Variants in NDUFS7 observed in about 807,000 individuals in gnomAD.
NDUFS7 encodes the protein NADH dehydrogenase [ubiquinone] iron-sulfur protein 7, mitochondrial.
NDUFS7 carries 11 observed loss-of-function variants against 31.1 expected under a neutral mutation model. The ratio of observed to expected loss-of-function variants is 0.35; its 90% CI spans 0.22 to 0.59. The LOEUF (loss-of-function observed/expected upper bound fraction) is 0.59. NDUFS7 is among the 20% of genes least tolerant of loss of function. NDUFS7 has a pLI of 0.79. For synonymous variants in NDUFS7, 136 were observed against 127.9 expected, an observed-to-expected ratio of 1.06 and a Z score of -0.43; for missense variants, 263 against 324.2, an observed-to-expected ratio of 0.81 and a Z score of 1.45.
At chr19:1,394,130 G>A (rs2082576218) in intron 7 of NDUFS7, 1 of 342,252 alleles carries the variant, frequency 2.9e-6, no homozygotes, top group Non-Finnish European at 5.8e-6. Flanking sequence ...CGAGTCTGGG[G>A]GTTTGGGCAA....
Position 1,393,451 on chromosome 19 carries a change from T to TA in NDUFS7, c.544+121_544+122insA. ...GCAGACGGCGGGCTCCCCCATCCTATGGATGGGCCGACTCGGAGCGCTGCC... is the reference window on the plus strand; with the variant it reads ...GCAGACGGCGGGCTCCCCCATCCTATAGGATGGGCCGACTCGGAGCGCTGCC... On this transcript the variant is annotated intron_variant, in intron 7 of 7. Coordinates refer to ENST00000233627, the MANE Select transcript of NDUFS7 (RefSeq NM_024407.5). The surrounding 1 kb of genome is among the most constrained non-coding windows in gnomAD (Gnocchi z 7.3). The TA allele has an allele frequency of 1.1e-5, 9 of 805,442 alleles. No individual in the cohort carries two copies. Among genetic ancestry groups the TA allele is most frequent in the Non-Finnish European group, 1.9e-5 (9 of 480,524 alleles). The allele number at this position is 805,442 out of a possible 1,614,324, so 49.9% of individuals were successfully genotyped here. A position where few individuals can be genotyped will look rare whatever the true frequency, so the allele number is the denominator to read the frequency against.
intron 4 of NDUFS7, chr19:1,389,172 C>T (rs1276453838): frequency 5.8e-6 from 4 of 694,730 alleles, no homozygotes; most frequent in Admixed American, 2.0e-5. Flanking sequence ...CACACTTGCA[C>T]ACACATGCAC....
rs2082570620 is a variant in NDUFS7 at position 1,393,313 on chromosome 19, T to C, written c.527T>C (p.Val176Ala). 1.3e-6 allele frequency: 2 copies of C among 1,584,276 alleles called. No homozygotes were observed. The highest frequency in any genetic ancestry group is 8.6e-7 in the Non-Finnish European group (1 of 1,166,430). Residue 176 changes from valine (V) to alanine (A), a missense_variant, in exon 7 of 8, where the codon GTG (valine) becomes GCG (alanine). By Grantham distance (64) the Val-to-Ala change is moderately conservative (BLOSUM62 0). Coordinates refer to ENST00000233627, the MANE Select transcript of NDUFS7 (RefSeq NM_024407.5). This position sits in a 1 kb window ranked among gnomAD's most constrained non-coding sequence, Gnocchi z 7.3. ...AGGGGCTGCGACCGCATCGTGCCCG[T>C]GGACATCTACATCCCAGGTAGGGCC... ...VVRGCDRIVP[V>A]DIYIPGCPPT...
At chr19:1,389,236 C>G in intron 4 of NDUFS7, 1 of 662,694 alleles carries the variant, frequency 1.5e-6, no homozygotes, top group Non-Finnish European at 2.8e-6. Flanking sequence ...CACACTTGCA[C>G]TCATGCACAC....
chr19:1,389,339 A>G (rs1349949442), intron 4 of NDUFS7: 9 of 490,194 alleles, frequency 1.8e-5, no homozygotes, highest in African/African-American at 7.8e-5. Context: ...ACACACATGC[A>G]CACACGTCCT....
At chr19:1,388,288 C>T (rs921618821) in intron 2 of NDUFS7, 19 of 604,428 alleles carry the variant, frequency 3.1e-5, no homozygotes, top group Non-Finnish European at 5.0e-5. Context: ...CTTGCTTGGA[C>T]ACTGTTGACC....
rs1354741163 is a variant in NDUFS7, at chr19:1,393,815, T to A, written c.544+485T>A. Reference sequence around the variant, plus strand: ...TGACCATCAGGAAAACTGTTAGTAGTAATTGTTTAGTACGAGTATATCCCA... The same window carrying A: ...TGACCATCAGGAAAACTGTTAGTAGAAATTGTTTAGTACGAGTATATCCCA... On this transcript the variant is annotated intron_variant, in intron 7 of 7. Coordinates refer to ENST00000233627, the MANE Select transcript of NDUFS7 (RefSeq NM_024407.5). This position sits in a 1 kb window ranked among gnomAD's most constrained non-coding sequence, Gnocchi z 7.3. The A allele has an allele frequency of 5.5e-6, 2 of 364,228 alleles. No individual in the cohort carries two copies. Among genetic ancestry groups the A allele is most frequent in the East Asian group, 5.7e-5 (1 of 17,466 alleles). The allele number at this position is 364,228 out of a possible 1,614,324, so 22.6% of individuals were successfully genotyped here. A position where few individuals can be genotyped will look rare whatever the true frequency, so the allele number is the denominator to read the frequency against.
intron 1 of NDUFS7, among the ~76,000 whole-genome samples, chr19:1,385,500 T>TGAAAC (rs201526715): frequency 0.015 from 2,105 of 143,744 alleles, 43 homozygotes; most frequent in African/African-American, 0.052. Context: ...GCAACAAGAG[T>TGAAAC]GAAACTCCGT....
chr19:1,389,233 GCACTCATGCA>G (rs1230849236), intron 4 of NDUFS7: 29 of 664,796 alleles, frequency 4.4e-5, no homozygotes, highest in South Asian at 1.2e-4. Context: ...ATGCACACTT[GCACTCATGCA>G]CACTCATGCG....
chr19:1,384,075 C>A (rs1248641926), intron 1 of NDUFS7, 133 bp downstream of exon 1: 1 of 1,013,918 alleles, frequency 9.9e-7, no homozygotes, highest in South Asian at 1.8e-5. Context: ...CCGAGCCGGC[C>A]GCTCCTCGGG....
rs534346004 is a variant in NDUFS7, at chr19:1,390,866, C to T, written c.229-5C>T. The T allele has an allele frequency of 1.4e-5, 22 of 1,606,970 alleles. No homozygotes were observed. The highest frequency in any genetic ancestry group is 4.5e-5 in the East Asian group (2 of 44,854). Reference sequence around the variant, plus strand: ...TGGCGTCTGACCCGAGCCCGGCCTCCGCAGAGTTCTCTGTGGCCCATGACC... The same window carrying T: ...TGGCGTCTGACCCGAGCCCGGCCTCTGCAGAGTTCTCTGTGGCCCATGACC... On this transcript the variant is annotated splice_polypyrimidine_tract_variant and splice_region_variant and intron_variant, in intron 4 of 7. Transcript: ENST00000233627.
chr19:1,388,547 C>A lies in NDUFS7; in HGVS notation c.76C>A (p.Gln26Lys). 6.2e-7 allele frequency: 1 copy of A among 1,611,664 alleles called. No homozygotes were observed. The highest frequency in any genetic ancestry group is 8.5e-7 in the Non-Finnish European group (1 of 1,179,910). ...CAGCTCCAGCGTGGGCCCGGCTGTG[C>A]AGGCACGAGGTGTCCATCAGAGCGT... is the stretch of plus-strand genomic sequence containing the variant. ...GLRSSVGPAVQARGVHQSVAT... is the reference protein window; with the variant it reads ...GLRSSVGPAVKARGVHQSVAT... The change falls in exon 3 of 8, where the codon CAG (glutamine) becomes AAG (lysine). Residue 26 changes from glutamine to lysine, a missense_variant. Coordinates refer to ENST00000233627, the MANE Select transcript of NDUFS7 (RefSeq NM_024407.5).
chr19:1,393,096 T>C lies in NDUFS7; in HGVS notation c.456-146T>C, dbSNP rs1443376511. 7 of 673,764 alleles carry C rather than the reference T, an allele frequency of 1.0e-5. No homozygotes were observed. The highest frequency in any genetic ancestry group is 5.3e-6 in the Non-Finnish European group (2 of 376,388). The allele number at this position is 673,764 out of a possible 1,614,324, so 41.7% of individuals were successfully genotyped here. On this transcript the variant is annotated intron_variant, in intron 6 of 7. Transcript: ENST00000233627. This position sits in a 1 kb window ranked among gnomAD's most constrained non-coding sequence, Gnocchi z 7.3. ...AGAGGCTCTGGGAGCCTGTGCGTGT[T>C]TGCTCATTGCTTCTCCGTGACAAGT...
At position 1,383,921 on chromosome 19, in the gene NDUFS7, G is replaced by A. The variant is rs958345124; in HGVS notation, c.-6G>A. On this transcript the variant is annotated 5_prime_UTR_variant, in exon 1 of 8. Coordinates refer to ENST00000233627, the MANE Select transcript of NDUFS7 (RefSeq NM_024407.5). ...CCTCAGAGGTTGTCTGAAGGCCGAGGCCAAGATGGCGGTGCTGTCAGGTGA... is the reference window on the plus strand; with the variant it reads ...CCTCAGAGGTTGTCTGAAGGCCGAGACCAAGATGGCGGTGCTGTCAGGTGA... The A allele has an allele frequency of 5.8e-5, 92 of 1,581,100 alleles. No homozygotes were observed. Among genetic ancestry groups the A allele is most frequent in the Non-Finnish European group, 7.6e-5 (88 of 1,164,748 alleles).
In NDUFS7 at chr19:1,391,184, G is replaced by A. The variant is rs769400229; in HGVS notation, c.455+19G>A. ...TGGGGAGGTGAGTGCAGGGCGGGGGGTCTCCAGGGACAGACGTAGCGTGAG... is the reference window on the plus strand; with the variant it reads ...TGGGGAGGTGAGTGCAGGGCGGGGGATCTCCAGGGACAGACGTAGCGTGAG... On this transcript the variant is annotated intron_variant, in intron 6 of 7. Coordinates refer to ENST00000233627, the MANE Select transcript of NDUFS7 (RefSeq NM_024407.5). 2 of 1,610,202 alleles carry A rather than the reference G, an allele frequency of 1.2e-6. No individual in the cohort carries two copies. The highest frequency in any genetic ancestry group is 1.7e-5 in the Admixed American group (1 of 59,660).
At chr19:1,384,490 C>A (rs748610101) in intron 1 of NDUFS7, among the ~76,000 whole-genome samples, 1 of 152,254 alleles carries the variant, frequency 6.6e-6, no homozygotes, top group Non-Finnish European at 1.5e-5. Flanking sequence ...CTGCGGACCT[C>A]TGCTCAGATA....
At chr19:1,389,638 C>G (rs1410414002) in intron 4 of NDUFS7, 1 of 398,562 alleles carries the variant, frequency 2.5e-6, no homozygotes, top group Non-Finnish European at 5.1e-6. Flanking sequence ...CTTCTCGGTA[C>G]CCGTTTAAAG....
chr19:1,387,772 C>T (rs771803790), intron 1 of NDUFS7, 39 bp from the exon 2 acceptor site: 2 of 1,605,790 alleles, frequency 1.2e-6, no homozygotes, highest in African/African-American at 1.3e-5. Flanking sequence ...TGCGTGCTGC[C>T]CGCAGCTCAC....
rs7258846 is a variant in NDUFS7, at chr19:1,389,065, G to T, written c.228+127G>T. The T allele has an allele frequency of 0.57, 462,758 of 811,756 alleles. 135,682 individuals are homozygous for T. Among genetic ancestry groups the T allele is most frequent in the Non-Finnish European group, 0.62 (297,941 of 480,348 alleles). 50.3% of individuals were successfully genotyped at this position (811,756 alleles called of 1,614,324 possible). A position where few individuals can be genotyped will look rare whatever the true frequency, so the allele number is the denominator to read the frequency against. On this transcript the variant is annotated intron_variant, in intron 4 of 7. Coordinates refer to ENST00000233627, the MANE Select transcript of NDUFS7 (RefSeq NM_024407.5). ...AACACATGCATGCACACTCACATGC[G>T]CACATGTGCATGCAAGCTCACATGT... is the stretch of plus-strand genomic sequence containing the variant.
Sources: allele counts gnomAD v4.1 joint callset (sites outside exome capture counted in the v4.1 genomes callset), GRCh38; gene constraint gnomAD v4.1.1; non-coding constraint Gnocchi (gnomAD v3.1); transcripts MANE v1.5; gene names NCBI Gene and HGNC (gene_info 2026-07-23, HGNC 2026-07-21).